FAF1: variants seen among roughly 807,000 people sequenced by gnomAD.
The protein encoded by FAF1 is FAS-associated factor 1.
A neutral mutation model predicts 92.5 loss-of-function variants in FAF1; 25 were observed. The observed-to-expected ratio is 0.27, with a 90% CI of 0.20 to 0.38. The LOEUF (loss-of-function observed/expected upper bound fraction) is 0.38, where lower values mean the gene tolerates loss of function less well. Ranked by LOEUF, FAF1 falls within the 10% of genes least tolerant of loss-of-function variation. The probability of loss-of-function intolerance (pLI) is 1.00; values close to 1 mark genes in which losing one functional copy is unlikely to be tolerated. For synonymous variants in FAF1, 234 were observed against 273.2 expected (o/e 0.86, Z 1.42); for missense variants, 636 against 793.3 (o/e 0.80, Z 2.38).
intron 1 of FAF1, among the ~76,000 whole-genome samples, chr1:50,880,012 A>G (rs540717036): frequency 3.3e-5 from 5 of 152,380 alleles, no homozygotes; most frequent in South Asian, 4.1e-4. Flanking sequence ...AGAAAAACAC[A>G]TATCATTTCA....
At chr1:50,580,605 C>T (rs760171891) in intron 12 of FAF1, among the ~76,000 whole-genome samples, 2 of 151,440 alleles carry the variant, frequency 1.3e-5, no homozygotes, top group African/African-American at 2.4e-5. Flanking sequence ...AGAAAGTGAT[C>T]ATATAATATT....
intron 1 of FAF1, among the ~76,000 whole-genome samples, chr1:50,878,808 TACC>T (rs1644589981): frequency 6.6e-6 from 1 of 152,198 alleles, no homozygotes; most frequent in South Asian, 2.1e-4. Context: ...ATGAAGTAGA[TACC>T]ATTATGACCA....
chr1:50,621,577 T>A (rs990072901), intron 8 of FAF1, among the ~76,000 whole-genome samples: 4 of 151,648 alleles, frequency 2.6e-5, no homozygotes, highest in Admixed American at 2.6e-4. Context: ...TTTTTGTATT[T>A]TTAATAGAGA....
intron 1 of FAF1, among the ~76,000 whole-genome samples, chr1:50,931,213 G>A (rs537760538): frequency 6.6e-6 from 1 of 152,236 alleles, no homozygotes; most frequent in East Asian, 1.9e-4. Flanking sequence ...TTGGTTCTCA[G>A]TTTACTATCT....
Position 50,705,892 on chromosome 1 carries a change from CTGAAAGGGT to C in FAF1, c.552-10_552-2del. The C allele has an allele frequency of 6.3e-7, 1 of 1,589,456 alleles. No individual in the cohort carries two copies. The highest frequency in any genetic ancestry group is 1.1e-5 in the South Asian group (1 of 90,352). ...TTGATTTAATGACTCCTGCAGGGCA[CTGAAAGGGT>C]TGAAAGAAAAACAAGGAACTCAGAG... On this transcript the variant is annotated splice_acceptor_variant and splice_polypyrimidine_tract_variant and intron_variant, in intron 6 of 18. Coordinates refer to ENST00000396153, the MANE Select transcript of FAF1 (RefSeq NM_007051.3). LOFTEE classifies it high-confidence loss of function.
chr1:50,727,466 G>A (rs79221947), intron 6 of FAF1, among the ~76,000 whole-genome samples: 9 of 152,222 alleles, frequency 5.9e-5, no homozygotes, highest in Admixed American at 1.3e-4. Flanking sequence ...TACAATATTC[G>A]TTCCACAAAC....
Position 50,760,053 on chromosome 1 carries a change from C to T in FAF1, c.368-15278G>A, listed in dbSNP as rs536987199. ...GTTCACTGTAGATTCTGGATACTCGCCCTTTGTCAGATGAGTAGGTTGCTC... is the reference window on the plus strand; with the variant it reads ...GTTCACTGTAGATTCTGGATACTCGTCCTTTGTCAGATGAGTAGGTTGCTC... On this transcript the variant is annotated intron_variant, in intron 4 of 18. Coordinates refer to ENST00000396153, the MANE Select transcript of FAF1 (RefSeq NM_007051.3). Among the ~76,000 whole-genome samples, 58 of 152,118 alleles carry T rather than the reference C, an allele frequency of 3.8e-4. 1 individual carries two copies. The South Asian group carries it at 1.0e-2, about 26-fold the overall frequency.
intron 7 of FAF1, among the ~76,000 whole-genome samples, chr1:50,682,077 C>A (rs1656451630): frequency 6.6e-6 from 1 of 151,902 alleles, no homozygotes; most frequent in South Asian, 2.1e-4. Context: ...TCAAGCAATC[C>A]ACCCACTTTG....
At chr1:50,517,398 G>A (rs1304066037) in intron 15 of FAF1, among the ~76,000 whole-genome samples, 1 of 152,132 alleles carries the variant, frequency 6.6e-6, no homozygotes, top group East Asian at 1.9e-4. Context: ...GTAAGATTAA[G>A]TAAATTCTAA....
At chr1:50,955,821 T>G (rs1557603701) in intron 1 of FAF1, among the ~76,000 whole-genome samples, 1 of 152,076 alleles carries the variant, frequency 6.6e-6, no homozygotes, top group South Asian at 2.1e-4. Context: ...AGAAATAAAA[T>G]CCTGACGCAT....
chr1:50,529,994 T>C (rs1021250539), intron 15 of FAF1, among the ~76,000 whole-genome samples: 2 of 152,166 alleles, frequency 1.3e-5, no homozygotes, highest in African/African-American at 4.8e-5. Flanking sequence ...AAGGCACCTA[T>C]GGTGTGGTTG....
intron 7 of FAF1, among the ~76,000 whole-genome samples, chr1:50,686,152 A>C (rs768947844): frequency 2.0e-5 from 3 of 152,222 alleles, no homozygotes; most frequent in South Asian, 2.1e-4. Flanking sequence ...TATAACCTAG[A>C]AAAATTGCTA....
intron 4 of FAF1, among the ~76,000 whole-genome samples, chr1:50,771,790 A>G (rs939993899): frequency 6.6e-6 from 1 of 152,266 alleles, no homozygotes; most frequent in African/African-American, 2.4e-5. Flanking sequence ...AATCCCAGCT[A>G]CTCAAGAGGC....
intron 5 of FAF1, among the ~76,000 whole-genome samples, chr1:50,743,390 C>T (rs973226437): frequency 3.3e-5 from 5 of 152,126 alleles, no homozygotes; most frequent in African/African-American, 4.8e-5. Context: ...TACAGTGGCA[C>T]GATCTCGGCT....
intron 2 of FAF1, among the ~76,000 whole-genome samples, chr1:50,856,418 T>C (rs1175798583): frequency 1.3e-5 from 2 of 151,862 alleles, no homozygotes; most frequent in African/African-American, 4.8e-5. Context: ...ATGGCAATCA[T>C]GGAGCTGTCA....
At chr1:50,643,491 T>C (rs553902156) in intron 8 of FAF1, among the ~76,000 whole-genome samples, 2 of 152,344 alleles carry the variant, frequency 1.3e-5, no homozygotes, top group East Asian at 3.9e-4. Context: ...GATCTTTTCT[T>C]GGGCATTGTC....
At chr1:50,806,741 G>A (rs1383343118) in intron 2 of FAF1, among the ~76,000 whole-genome samples, 1 of 152,174 alleles carries the variant, frequency 6.6e-6, no homozygotes, top group East Asian at 1.9e-4. Flanking sequence ...TAAAGTGAGA[G>A]CATGAAGCCT....
At chr1:50,491,495 A>G (rs1478286571) in intron 16 of FAF1, among the ~76,000 whole-genome samples, 1 of 152,236 alleles carries the variant, frequency 6.6e-6, no homozygotes, top group Non-Finnish European at 1.5e-5. Flanking sequence ...AACAAATGAG[A>G]TAGATACTAG....
intron 15 of FAF1, among the ~76,000 whole-genome samples, chr1:50,506,723 T>C (rs940540968): frequency 1.3e-5 from 2 of 152,208 alleles, no homozygotes; most frequent in Admixed American, 6.5e-5. Context: ...ACCCTTCTAA[T>C]TATTTTACAC....
Sources: allele counts gnomAD v4.1 joint callset (sites outside exome capture counted in the v4.1 genomes callset), GRCh38; gene constraint gnomAD v4.1.1; transcripts MANE v1.5; gene names NCBI Gene and HGNC (gene_info 2026-07-23, HGNC 2026-07-21).